The following DCUN1D3 variants were observed in gnomAD, a reference collection of about 807,000 sequenced individuals.
DCUN1D3 encodes DCN1-like protein 3.
A neutral mutation model predicts 24.8 loss-of-function variants in DCUN1D3; 6 were observed. That is an observed-to-expected ratio of 0.24 (90% CI 0.13 to 0.48). The LOEUF (loss-of-function observed/expected upper bound fraction) is 0.48, where lower values mean the gene tolerates loss of function less well. Among genes scored for constraint, DCUN1D3 ranks in the 20% least tolerant of loss-of-function variants. The pLI is 0.99. For synonymous variants in DCUN1D3, 120 were observed against 144.9 expected, an observed-to-expected ratio of 0.83 and a Z score of 1.24; for missense variants, 258 against 379.4, an observed-to-expected ratio of 0.68 and a Z score of 2.66.
intron 1 of DCUN1D3, among the ~76,000 whole-genome samples, chr16:20,882,682 T>C (rs1313528895): frequency 6.6e-6 from 1 of 152,228 alleles, no homozygotes; most frequent in East Asian, 1.9e-4. Flanking sequence ...TAAAAATTAT[T>C]GGAACAAGTA....
At chr16:20,862,680 G>C (rs1330701658) in intron 1 of DCUN1D3, 37 bp from the exon 2 acceptor site, 83 of 1,497,034 alleles carry the variant, frequency 5.5e-5, no homozygotes, top group Non-Finnish European at 7.3e-5. Flanking sequence ...CTCTGGGTGG[G>C]GGAAATGGGG....
intron 1 of DCUN1D3, among the ~76,000 whole-genome samples, chr16:20,871,563 G>C (rs1411697245): frequency 1.3e-5 from 2 of 152,136 alleles, no homozygotes; most frequent in Non-Finnish European, 2.9e-5. Context: ...GTCCAGTTGA[G>C]GCCTCAGGAC....
At chr16:20,882,410 A>T (rs2081848878) in intron 1 of DCUN1D3, among the ~76,000 whole-genome samples, 1 of 151,054 alleles carries the variant, frequency 6.6e-6, no homozygotes, top group African/African-American at 2.4e-5. Context: ...GTGCCACCAC[A>T]CTCTGCTAAT....
intron 1 of DCUN1D3, among the ~76,000 whole-genome samples, chr16:20,890,928 T>C (rs1321362233): frequency 6.6e-6 from 1 of 151,988 alleles, no homozygotes; most frequent in Non-Finnish European, 1.5e-5. Flanking sequence ...TTTTTTTTTT[T>C]TTAAAGAAGA....
intron 1 of DCUN1D3, among the ~76,000 whole-genome samples, chr16:20,875,256 A>AC (rs1250817728): frequency 6.9e-6 from 1 of 145,274 alleles, no homozygotes; most frequent in African/African-American, 2.5e-5. Flanking sequence ...ACACACACAC[A>AC]AATGTTGCAT....
chr16:20,881,618 T>A (rs777057770), intron 1 of DCUN1D3, among the ~76,000 whole-genome samples: 1 of 152,094 alleles, frequency 6.6e-6, no homozygotes, highest in Non-Finnish European at 1.5e-5. Context: ...TTTACAGTCA[T>A]GATAGCATTT....
chr16:20,883,506 C>T (rs1025041598), intron 1 of DCUN1D3, among the ~76,000 whole-genome samples: 1 of 151,726 alleles, frequency 6.6e-6, no homozygotes, highest in Non-Finnish European at 1.5e-5. Flanking sequence ...GAGCGCAACT[C>T]CATCTCAAAA....
chr16:20,893,548 C>T (rs544501365), intron 1 of DCUN1D3, among the ~76,000 whole-genome samples: 1 of 152,308 alleles, frequency 6.6e-6, no homozygotes, highest in South Asian at 2.1e-4. Flanking sequence ...AGCCTCAGAA[C>T]ATTTTATTCA....
chr16:20,885,313 T>C (rs1368069093), intron 1 of DCUN1D3, among the ~76,000 whole-genome samples: 1 of 152,118 alleles, frequency 6.6e-6, no homozygotes, highest in Admixed American at 6.6e-5. Flanking sequence ...CTAGTAACAC[T>C]TGGCACAGGG....
At chr16:20,890,555 A>C (rs1301675165) in intron 1 of DCUN1D3, among the ~76,000 whole-genome samples, 3 of 152,094 alleles carry the variant, frequency 2.0e-5, no homozygotes, top group Non-Finnish European at 4.4e-5. Flanking sequence ...CTTGAGCCCC[A>C]GAGTTTGAAA....
At chr16:20,886,633 TA>T (rs1426449928) in intron 1 of DCUN1D3, among the ~76,000 whole-genome samples, 1 of 152,232 alleles carries the variant, frequency 6.6e-6, no homozygotes, top group Non-Finnish European at 1.5e-5. Flanking sequence ...TCCCTAGTTT[TA>T]AACCTTACAC....
chr16:20,888,424 G>C (rs1435107681), intron 1 of DCUN1D3, among the ~76,000 whole-genome samples: 13 of 152,174 alleles, frequency 8.5e-5, no homozygotes, highest in African/African-American at 3.1e-4. Flanking sequence ...ACTGACTCTA[G>C]AGACTATGTT....
chr16:20,866,206 T>A (rs1451391554), intron 1 of DCUN1D3, among the ~76,000 whole-genome samples: 1 of 152,186 alleles, frequency 6.6e-6, no homozygotes, highest in Non-Finnish European at 1.5e-5. Context: ...AAACAAGGAC[T>A]GTACCATGTG....
intron 1 of DCUN1D3, among the ~76,000 whole-genome samples, chr16:20,863,569 C>T (rs920749685): frequency 6.6e-6 from 1 of 152,060 alleles, no homozygotes; most frequent in African/African-American, 2.4e-5. Flanking sequence ...CATAGCAAGA[C>T]CCTGTCTCTA....
intron 1 of DCUN1D3, among the ~76,000 whole-genome samples, chr16:20,889,419 A>C (rs2081882029): frequency 6.6e-6 from 1 of 152,110 alleles, no homozygotes; most frequent in African/African-American, 2.4e-5. Flanking sequence ...TGTATTATAA[A>C]GTAAGCTGGT....
chr16:20,868,686 C>T (rs1189921212), intron 1 of DCUN1D3, among the ~76,000 whole-genome samples: 2 of 152,296 alleles, frequency 1.3e-5, no homozygotes, highest in African/African-American at 4.8e-5. Flanking sequence ...GGAGCCAGCC[C>T]AGATCTCCCA....
At chr16:20,865,799 G>A (rs558369171) in intron 1 of DCUN1D3, among the ~76,000 whole-genome samples, 2 of 152,248 alleles carry the variant, frequency 1.3e-5, no homozygotes, top group Admixed American at 1.3e-4. Context: ...ATAAATTGGG[G>A]GTCGTCTTCA....
intron 1 of DCUN1D3, among the ~76,000 whole-genome samples, chr16:20,890,439 C>T (rs559316257): frequency 6.6e-6 from 1 of 151,954 alleles, no homozygotes; most frequent in South Asian, 2.1e-4. Flanking sequence ...GCCTGGGCAA[C>T]AAGCAAGACT....
Position 20,862,611 on chromosome 16 carries a change from T to C in DCUN1D3, c.-73A>G. On this transcript the variant is annotated 5_prime_UTR_variant, in exon 2 of 3. It removes the in-frame stop codon of an upstream open reading frame in the 5' UTR. Transcript: ENST00000324344. Reference sequence around the variant, plus strand: ...CCTCGCTGCCGCTGGCCCATGTACCTCAACATGCCATCAGCCAGAGGAGCC... The same window carrying C: ...CCTCGCTGCCGCTGGCCCATGTACCCCAACATGCCATCAGCCAGAGGAGCC... 6.5e-7 allele frequency: 1 copy of C among 1,527,768 alleles called. No homozygotes were observed. Among genetic ancestry groups the C allele is most frequent in the Non-Finnish European group, 8.7e-7 (1 of 1,147,748 alleles). 94.6% of individuals were successfully genotyped at this position (1,527,768 alleles called of 1,614,324 possible). A position where few individuals can be genotyped will look rare whatever the true frequency, so the allele number is the denominator to read the frequency against.
Sources: gnomAD v4.1 joint callset for allele counts (sites outside exome capture counted in the v4.1 genomes callset) on GRCh38, gnomAD v4.1.1 for gene constraint, MANE v1.5 for transcripts, NCBI Gene and HGNC (gene_info 2026-07-23, HGNC 2026-07-21) for gene names.